Variants in P2RX6 observed in about 807,000 individuals in gnomAD.
P2RX6 encodes purinergic receptor P2X 6, also known as P2X purinoceptor 6.
In P2RX6, 62 loss-of-function variants were observed where a neutral mutation model predicts 54.2. That is an observed-to-expected ratio of 1.14 (90% CI 0.93 to 1.41). P2RX6 has a LOEUF of 1.41. Among genes scored for constraint, P2RX6 ranks in the 40% most tolerant of loss-of-function variants. The probability of loss-of-function intolerance (pLI) is 0.00; values close to 1 mark genes in which losing one functional copy is unlikely to be tolerated. For synonymous variants in P2RX6, 211 were observed against 231.9 expected (o/e 0.91, Z 0.82); for missense variants, 541 against 566.3 (o/e 0.96, Z 0.45).
In P2RX6 at chr22:21,027,961, G is replaced by A. The variant is rs1928715422; in HGVS notation, c.*1344G>A. ...TGATTCTCCTTGGGGCCCAGAGGAA[G>A]CTGATGTCATGGCTGGACAAAGTCA... On this transcript the variant is annotated 3_prime_UTR_variant, in exon 12 of 12. Coordinates refer to ENST00000413302, the MANE Select transcript of P2RX6 (RefSeq NM_005446.5). 6.6e-6 allele frequency: 1 copy of A among 152,272 alleles called. No homozygotes were observed. The highest frequency in any genetic ancestry group is 2.4e-5 in the African/African-American group (1 of 41,440). 9.4% of individuals were successfully genotyped at this position (152,272 alleles called of 1,614,324 possible).
upstream of P2RX6, chr22:21,012,451 C>T (rs564925680): frequency 9.1e-6 from 4 of 439,616 alleles, no homozygotes; most frequent in African/African-American, 8.1e-5. Context: ...CATGGCCCAG[C>T]TTTCAGGGGT....
chr22:21,022,968 T>G lies in P2RX6; in HGVS notation c.490T>G (p.Phe164Val). Residue 164 changes from phenylalanine to valine, a missense_variant, in exon 5 of 12, where the codon TTC (phenylalanine) becomes GTC (valine). Physicochemically the swap from Phe to Val is conservative, Grantham distance 50 (BLOSUM62 -1). Coordinates refer to ENST00000413302, the MANE Select transcript of P2RX6 (RefSeq NM_005446.5). ...TGTAAAAACAGGCCAGTGTGTGGTG[T>G]TCAATGGGACCCACAGGACCTGTGA... ...HGVKTGQCVVFNGTHRTCEIW... is the reference protein window; with the variant it reads ...HGVKTGQCVVVNGTHRTCEIW... 2.5e-6 allele frequency: 4 copies of G among 1,613,840 alleles called. No individual in the cohort carries two copies. Among genetic ancestry groups the G allele is most frequent in the Non-Finnish European group, 3.4e-6 (4 of 1,179,754 alleles).
chr22:21,026,812 G>A lies in P2RX6; in HGVS notation c.*195G>A, dbSNP rs941094451. ...ATAGAAGTCGGCTGTGTTTTGAGACGGCGACAGAACCTGACCCGTGGAGAC... is the reference window on the plus strand; with the variant it reads ...ATAGAAGTCGGCTGTGTTTTGAGACAGCGACAGAACCTGACCCGTGGAGAC... On this transcript the variant is annotated 3_prime_UTR_variant, in exon 12 of 12. Transcript: ENST00000413302. The surrounding 1 kb of genome is among the most constrained non-coding windows in gnomAD (Gnocchi z 4.0). The A allele has an allele frequency of 5.8e-6, 7 of 1,198,976 alleles. No individual in the cohort carries two copies. Among genetic ancestry groups the A allele is most frequent in the East Asian group, 2.6e-5 (1 of 38,748 alleles). 74.3% of individuals were successfully genotyped at this position (1,198,976 alleles called of 1,614,324 possible).
intron 2 of P2RX6, among the ~76,000 whole-genome samples, chr22:21,016,911 A>C (rs1264712486): frequency 6.6e-6 from 1 of 152,070 alleles, no homozygotes; most frequent in Non-Finnish European, 1.5e-5. Flanking sequence ...GCACACCCAC[A>C]TGTCCAAAGA....
At position 21,016,030 on chromosome 22, in the gene P2RX6, A is replaced by G; in HGVS notation, c.253A>G (p.Thr85Ala). The G allele has an allele frequency of 6.4e-7, 1 of 1,556,914 alleles. No individual in the cohort carries two copies. Among genetic ancestry groups the G allele is most frequent in the Non-Finnish European group, 8.7e-7 (1 of 1,150,990 alleles). Reference protein sequence around the residue: ...IITKLKGVSVTQIKELGNRLW... With the variant: ...IITKLKGVSVAQIKELGNRLW... ...CACCAAACTCAAAGGGGTTTCCGTCACTCAGATCAAGGAGCTTGGAAACCG... is the reference window on the plus strand; with the variant it reads ...CACCAAACTCAAAGGGGTTTCCGTCGCTCAGATCAAGGAGCTTGGAAACCG... The change falls in exon 2 of 12, where the codon ACT becomes GCT. Residue 85 changes from threonine to alanine, a missense_variant. By Grantham distance (58) the Thr-to-Ala change is moderately conservative (BLOSUM62 0). Transcript: ENST00000413302.
chr22:21,014,627 C>G (rs189362799), upstream of P2RX6, among the ~76,000 whole-genome samples: 1 of 152,088 alleles, frequency 6.6e-6, no homozygotes, highest in Non-Finnish European at 1.5e-5. Flanking sequence ...GTGGCGGGGG[C>G]AGCTTTTCAG....
intron 9 of P2RX6, 24 bp downstream of exon 9, chr22:21,025,922 CG>C (rs1569181096): frequency 6.3e-7 from 1 of 1,579,646 alleles, no homozygotes; most frequent in Non-Finnish European, 8.6e-7. Context: ...GGGGTCAGGC[CG>C]GGGATGGGAT....
rs751375179 is a variant in P2RX6 at position 21,022,914 on chromosome 22, G to A, written c.464-28G>A. The A allele has an allele frequency of 1.6e-5, 25 of 1,592,624 alleles. No individual in the cohort carries two copies. In the South Asian group the frequency reaches 2.8e-4, roughly 18 times the overall value. ...CTCCCCAGGCCTGCAGAGATTTGAA[G>A]GTCTGGAGTTCATCTTTTGTTTTCT... On this transcript the variant is annotated intron_variant, in intron 4 of 11. Coordinates refer to ENST00000413302, the MANE Select transcript of P2RX6 (RefSeq NM_005446.5).
intron 8 of P2RX6, among the ~76,000 whole-genome samples, chr22:21,025,579 G>A (rs1306895572): frequency 6.6e-6 from 1 of 152,170 alleles, no homozygotes; most frequent in African/African-American, 2.4e-5. Flanking sequence ...GTCTGTTTAG[G>A]GACTCCTCTG....
rs960658160 is a variant in P2RX6 at position 21,026,745 on chromosome 22, T to C, written c.*128T>C. ...CCCTTGAACCCCAGCAGACAGTCCC[T>C]CCCCTGACTCCCACCTTGGTAGGGT... On this transcript the variant is annotated 3_prime_UTR_variant, in exon 12 of 12. Transcript: ENST00000413302. The surrounding 1 kb of genome is among the most constrained non-coding windows in gnomAD (Gnocchi z 4.0). The C allele has an allele frequency of 4.8e-6, 7 of 1,443,912 alleles. No homozygotes were observed. The African/African-American group carries it at 1.0e-4, about 21-fold the overall frequency. 89.4% of individuals were successfully genotyped at this position (1,443,912 alleles called of 1,614,324 possible).
At chr22:21,025,131 T>A (rs1273860954) in intron 8 of P2RX6, among the ~76,000 whole-genome samples, 1 of 151,748 alleles carries the variant, frequency 6.6e-6, no homozygotes, top group Non-Finnish European at 1.5e-5. Context: ...TCCACCTGCC[T>A]CAGCCTCCCA....
upstream of P2RX6, chr22:21,015,083 T>G (rs1394978461): frequency 1.4e-6 from 1 of 720,286 alleles, no homozygotes; most frequent in Non-Finnish European, 2.2e-6. Flanking sequence ...CCTGCTTTAG[T>G]GGAAGTGTCC....
upstream of P2RX6, chr22:21,011,534 C>T (rs1459458603): frequency 3.5e-5 from 25 of 714,136 alleles, no homozygotes; most frequent in Non-Finnish European, 5.2e-5. Flanking sequence ...ACTGTGAGGG[C>T]GGCACAGAGG....
chr22:21,022,874 C>G, intron 4 of P2RX6, 68 bp from the exon 5 acceptor site: 1 of 1,518,970 alleles, frequency 6.6e-7, no homozygotes, highest in Non-Finnish European at 9.1e-7. Flanking sequence ...TGCCAACAAC[C>G]CCCTGGCTGA....
rs772167043 is a variant in P2RX6 at position 21,025,906 on chromosome 22, C to G, written c.984+8C>G. ...ATCCTCGTCACCGGGCAGGTAGGCA[C>G]AGGTAGGGGTCAGGCCGGGGATGGG... is the stretch of plus-strand genomic sequence containing the variant. On this transcript the variant is annotated splice_region_variant and intron_variant, in intron 9 of 11. Transcript: ENST00000413302. 39 of 1,580,144 alleles carry G rather than the reference C, an allele frequency of 2.5e-5. No homozygotes were observed. Among genetic ancestry groups the G allele is most frequent in the Non-Finnish European group, 3.4e-5 (39 of 1,163,318 alleles).
At chr22:21,012,171 C>T (rs915227267), upstream of P2RX6, among the ~76,000 whole-genome samples, 1 of 152,118 alleles carries the variant, frequency 6.6e-6, no homozygotes, top group Non-Finnish European at 1.5e-5. Context: ...ACCTTGCCCA[C>T]CCCTTTCTTG....
intron 3 of P2RX6, among the ~76,000 whole-genome samples, chr22:21,019,359 A>G (rs1926963175): frequency 6.6e-6 from 1 of 152,118 alleles, no homozygotes. Context: ...CTTGTCCCCA[A>G]GGCTGGAGTT....
In P2RX6 at chr22:21,020,781, A is replaced by G. The variant is rs200685334; in HGVS notation, c.388-1895A>G. Among the ~76,000 whole-genome samples the G allele has an allele frequency of 3.3e-5, 5 of 151,810 alleles. No individual in the cohort carries two copies. The East Asian group carries it at 7.7e-4, about 23-fold the overall frequency. On this transcript the variant is annotated intron_variant, in intron 3 of 11. Coordinates refer to ENST00000413302, the MANE Select transcript of P2RX6 (RefSeq NM_005446.5). ...TAATTTTTGTATTTTTAATAGAGAC[A>G]GGGTTTTGCTGTGTCGGCCAGGCTG...
chr22:21,024,728 A>G (rs575704129), intron 8 of P2RX6, among the ~76,000 whole-genome samples: 1 of 150,608 alleles, frequency 6.6e-6, no homozygotes, highest in Admixed American at 6.6e-5. Flanking sequence ...GCACCACCAC[A>G]CCCAACTAAT....
Sources: gnomAD v4.1 joint callset for allele counts (sites outside exome capture counted in the v4.1 genomes callset) on GRCh38, gnomAD v4.1.1 for gene constraint, Gnocchi (gnomAD v3.1) non-coding constraint, MANE v1.5 for transcripts, NCBI Gene and HGNC (gene_info 2026-07-23, HGNC 2026-07-21) for gene names.